The following CACNA1E variants were observed in gnomAD, a reference collection of about 807,000 sequenced individuals.
CACNA1E encodes voltage-dependent R-type calcium channel subunit alpha-1E.
In CACNA1E, 40 loss-of-function variants were observed where a neutral mutation model predicts 259.2. The ratio of observed to expected loss-of-function variants is 0.15; its 90% CI spans 0.12 to 0.20. The LOEUF is 0.20. Among genes scored for constraint, CACNA1E ranks in the 10% least tolerant of loss-of-function variants. The pLI, the probability that CACNA1E is intolerant of heterozygous loss-of-function variation, is 1.00. For missense variants in CACNA1E, 1,874 were observed against 3,040.1 expected, an observed-to-expected ratio of 0.62 and a Z score of 9.02; for synonymous variants, 1,104 against 1,138.5, an observed-to-expected ratio of 0.97 and a Z score of 0.61.
At chr1:181,678,384 C>T (rs965206407) in intron 7 of CACNA1E, among the ~76,000 whole-genome samples, 1 of 152,150 alleles carries the variant, frequency 6.6e-6, no homozygotes, top group African/African-American at 2.4e-5. Context: ...CACCATTCAC[C>T]TGAAAAGGCA....
rs1662462311 is a variant in CACNA1E at position 181,804,048 on chromosome 1, C to T, written c.*5214C>T. 1 of 152,178 alleles carries T rather than the reference C, an allele frequency of 6.6e-6. No individual in the cohort carries two copies. 9.4% of individuals were successfully genotyped at this position (152,178 alleles called of 1,614,324 possible). On this transcript the variant is annotated 3_prime_UTR_variant, in exon 48 of 48. Transcript: ENST00000367573. Reference sequence around the variant, plus strand: ...ATGCAAAAGGAGATTTTATAATAAGCCATGCTACCTGTAAATACATTATTG... The same window carrying T: ...ATGCAAAAGGAGATTTTATAATAAGTCATGCTACCTGTAAATACATTATTG...
intron 7 of CACNA1E, among the ~76,000 whole-genome samples, chr1:181,687,890 C>CA (rs1279975228): frequency 6.6e-6 from 1 of 152,114 alleles, no homozygotes; most frequent in African/African-American, 2.4e-5. Flanking sequence ...GAACTTGAAA[C>CA]CACCTTTATT....
chr1:181,728,430 C>T (rs557996970), intron 18 of CACNA1E, among the ~76,000 whole-genome samples: 1 of 152,358 alleles, frequency 6.6e-6, no homozygotes, highest in East Asian at 1.9e-4. Context: ...CCAAGACCAG[C>T]AGAGACCCGG....
chr1:181,634,355 T>G (rs907251858), intron 6 of CACNA1E, among the ~76,000 whole-genome samples: 2 of 152,178 alleles, frequency 1.3e-5, no homozygotes, highest in Non-Finnish European at 2.9e-5. Flanking sequence ...AACATAGCCA[T>G]AGTTTATTGA....
chr1:181,333,745 T>C (rs1651467411), intron 1 of CACNA1E, among the ~76,000 whole-genome samples: 1 of 152,122 alleles, frequency 6.6e-6, no homozygotes, highest in Non-Finnish European at 1.5e-5. Flanking sequence ...AACCTCTGCC[T>C]CCCAGGCTCA....
At chr1:181,470,971 A>G (rs1662467408) in intron 2 of CACNA1E, among the ~76,000 whole-genome samples, 2 of 152,204 alleles carry the variant, frequency 1.3e-5, no homozygotes, top group Admixed American at 1.3e-4. Flanking sequence ...GCATAAACTT[A>G]TTTCTCACAG....
intron 1 of CACNA1E, among the ~76,000 whole-genome samples, chr1:181,344,927 C>T (rs939329722): frequency 2.6e-5 from 4 of 152,234 alleles, no homozygotes; most frequent in African/African-American, 9.6e-5. Flanking sequence ...ATGCCACATC[C>T]CTTCCCCTGC....
rs750088073 is a variant in CACNA1E, at chr1:181,758,132, G to A, written c.4494+21G>A. The A allele has an allele frequency of 1.2e-6, 2 of 1,607,986 alleles. No homozygotes were observed. The highest frequency in any genetic ancestry group is 1.3e-5 in the African/African-American group (1 of 74,798). On this transcript the variant is annotated intron_variant, in intron 31 of 47. Coordinates refer to ENST00000367573, the MANE Select transcript of CACNA1E (RefSeq NM_001205293.3). The surrounding 1 kb of genome is among the most constrained non-coding windows in gnomAD (Gnocchi z 4.2). ...TGAAGGTGAGAGGAGAGAGGCACAA[G>A]AGCCGACTGAGCCCCAGCGATGGTT...
intron 7 of CACNA1E, among the ~76,000 whole-genome samples, chr1:181,684,866 T>C (rs912966759): frequency 1.4e-5 from 2 of 139,888 alleles, no homozygotes; most frequent in African/African-American, 5.2e-5. Context: ...AATAAAGGAT[T>C]TTTTAAATCC....
intron 2 of CACNA1E, among the ~76,000 whole-genome samples, chr1:181,464,390 T>C (rs1004991324): frequency 4.6e-5 from 7 of 152,156 alleles, no homozygotes; most frequent in Admixed American, 3.9e-4. Context: ...GTTTAGAGCT[T>C]TCTTAAAGTC....
At chr1:181,564,059 C>G (rs1649582681) in intron 3 of CACNA1E, among the ~76,000 whole-genome samples, 1 of 152,090 alleles carries the variant, frequency 6.6e-6, no homozygotes, top group South Asian at 2.1e-4. Flanking sequence ...TAGATCTTAC[C>G]TGGATGTTAA....
At chr1:181,584,177 C>G (rs1434469788) in intron 6 of CACNA1E, among the ~76,000 whole-genome samples, 1 of 152,184 alleles carries the variant, frequency 6.6e-6, no homozygotes, top group African/African-American at 2.4e-5. Flanking sequence ...TGCAGAGGTT[C>G]CCAGTCCCTG....
At position 181,758,720 on chromosome 1, in the gene CACNA1E, G is replaced by T; in HGVS notation, c.4495-38G>T. On this transcript the variant is annotated intron_variant, in intron 31 of 47. Coordinates refer to ENST00000367573, the MANE Select transcript of CACNA1E (RefSeq NM_001205293.3). This position sits in a 1 kb window ranked among gnomAD's most constrained non-coding sequence, Gnocchi z 4.2. The stretch of plus-strand genomic sequence containing the variant: ...CATGTATTCCCCCTCTTACCTTAAG[G>T]CTGTGATTCTTTCTCTCTTCTTTTT... 1 of 1,181,414 alleles carries T rather than the reference G, an allele frequency of 8.5e-7. No individual in the cohort carries two copies. The highest frequency in any genetic ancestry group is 1.3e-6 in the Non-Finnish European group (1 of 791,872). The allele number at this position is 1,181,414 out of a possible 1,614,324, so 73.2% of individuals were successfully genotyped here.
chr1:181,434,439 C>T (rs1659937289), intron 2 of CACNA1E, among the ~76,000 whole-genome samples: 1 of 150,776 alleles, frequency 6.6e-6, no homozygotes, highest in African/African-American at 2.4e-5. Context: ...GTAACCAAGA[C>T]CAGACAAGTG....
intron 3 of CACNA1E, among the ~76,000 whole-genome samples, chr1:181,550,067 G>A (rs1045959771): frequency 6.6e-6 from 1 of 152,162 alleles, no homozygotes; most frequent in East Asian, 1.9e-4. Context: ...AAGGGGTGAG[G>A]CTGAGCTAGG....
chr1:181,654,054 A>T (rs1658985671), intron 7 of CACNA1E, among the ~76,000 whole-genome samples: 1 of 152,162 alleles, frequency 6.6e-6, no homozygotes, highest in Admixed American at 6.5e-5. Flanking sequence ...AATTGAGGGA[A>T]TATGAACAAT....
rs139954332 is a variant in CACNA1E at position 181,718,415 on chromosome 1, C to T, written c.1638+248C>T. Among the ~76,000 whole-genome samples the T allele has an allele frequency of 6.4e-3, 976 of 152,088 alleles. 13 individuals carry two copies. The highest frequency in any genetic ancestry group is 0.023 in the African/African-American group (937 of 41,470). On this transcript the variant is annotated intron_variant, in intron 12 of 47. Transcript: ENST00000367573. ...TAACACATACATTATAGAGGGTACA[C>T]TTAAGTGTATAGCTCCGTGAGAGTT...
intron 6 of CACNA1E, among the ~76,000 whole-genome samples, chr1:181,587,137 G>T (rs923869754): frequency 5.9e-5 from 9 of 152,184 alleles, no homozygotes; most frequent in African/African-American, 1.9e-4. Flanking sequence ...TGTGGTGTTG[G>T]AATCTTGTAG....
At chr1:181,442,372 C>A (rs1660552027) in intron 2 of CACNA1E, among the ~76,000 whole-genome samples, 1 of 148,670 alleles carries the variant, frequency 6.7e-6, no homozygotes, top group South Asian at 2.1e-4. Context: ...GTGTGAAGGG[C>A]ACAGGTGTAA....
Sources: allele counts gnomAD v4.1 joint callset (sites outside exome capture counted in the v4.1 genomes callset), GRCh38; gene constraint gnomAD v4.1.1; non-coding constraint Gnocchi (gnomAD v3.1); transcripts MANE v1.5; gene names NCBI Gene and HGNC (gene_info 2026-07-23, HGNC 2026-07-21).